Variants in IGF1R observed in about 807,000 individuals in gnomAD.
IGF1R encodes insulin-like growth factor 1 receptor.
Under a neutral mutation model 144.6 loss-of-function variants are expected in IGF1R, and 44 were observed. The ratio of observed to expected loss-of-function variants is 0.30; its 90% CI spans 0.24 to 0.39. IGF1R has a LOEUF of 0.39. Among genes scored for constraint, IGF1R ranks in the 10% least tolerant of loss-of-function variants. IGF1R has a pLI of 1.00. For synonymous variants in IGF1R, 795 were observed against 722.8 expected, an observed-to-expected ratio of 1.10 and a Z score of -1.60; for missense variants, 1,355 against 1,833.7, an observed-to-expected ratio of 0.74 and a Z score of 4.77.
intron 20 of IGF1R, among the ~76,000 whole-genome samples, chr15:98,956,029 G>A (rs1192484407): frequency 6.6e-6 from 1 of 152,236 alleles, no homozygotes; most frequent in East Asian, 1.9e-4. Context: ...AGCCCTGGAT[G>A]GTAGCCAGCT....
rs2016127216 is a variant in IGF1R, at chr15:98,935,903, T to C, written c.3297+477T>C. Among the ~76,000 whole-genome samples, 1 of 152,230 alleles carries C rather than the reference T, an allele frequency of 6.6e-6. No homozygotes were observed. Among genetic ancestry groups the C allele is most frequent in the African/African-American group, 2.4e-5 (1 of 41,456 alleles). ...CCACCCCGTTGTGTTTAGCTTTTCA[T>C]CTCAGTCCAAGTGTGTGGCTCAGGG... is the stretch of plus-strand genomic sequence containing the variant. On this transcript the variant is annotated intron_variant, in intron 17 of 20. Coordinates refer to ENST00000650285, the MANE Select transcript of IGF1R (RefSeq NM_000875.5). This position sits in a 1 kb window ranked among gnomAD's most constrained non-coding sequence, Gnocchi z 4.2.
chr15:98,724,456 C>G (rs140707261), intron 2 of IGF1R, among the ~76,000 whole-genome samples: 1 of 152,190 alleles, frequency 6.6e-6, no homozygotes, highest in African/African-American at 2.4e-5. Flanking sequence ...TCTCCAGCAG[C>G]CCCAGTGAGA....
At position 98,649,503 on chromosome 15, in the gene IGF1R, T is replaced by A; in HGVS notation, c.-79T>A. ...TGAGTTTGAGACTTGTTTCCTTTCA[T>A]TTCCTTTTTTTCTTTTCTTTTCTTT... On this transcript the variant is annotated 5_prime_UTR_variant, in exon 1 of 21. Coordinates refer to ENST00000650285, the MANE Select transcript of IGF1R (RefSeq NM_000875.5). 1 of 1,007,850 alleles carries A rather than the reference T, an allele frequency of 9.9e-7. No homozygotes were observed. Among genetic ancestry groups the A allele is most frequent in the South Asian group, 1.4e-5 (1 of 70,882 alleles). 62.4% of individuals were successfully genotyped at this position (1,007,850 alleles called of 1,614,324 possible). A position where few individuals can be genotyped will look rare whatever the true frequency, so the allele number is the denominator to read the frequency against.
At chr15:98,848,855 C>T (rs760782768) in intron 2 of IGF1R, among the ~76,000 whole-genome samples, 4 of 152,122 alleles carry the variant, frequency 2.6e-5, no homozygotes, top group Non-Finnish European at 4.4e-5. Context: ...ACTGAAGATT[C>T]TACATCCAAT....
intron 19 of IGF1R, among the ~76,000 whole-genome samples, chr15:98,947,540 A>G (rs951981861): frequency 6.6e-6 from 1 of 152,226 alleles, no homozygotes; most frequent in Non-Finnish European, 1.5e-5. Flanking sequence ...CCACATGGAA[A>G]GGCACACAGG....
At chr15:98,929,708 A>C in intron 14 of IGF1R, 48 bp downstream of exon 14, 1 of 1,210,930 alleles carries the variant, frequency 8.3e-7, no homozygotes, top group Non-Finnish European at 1.2e-6. Context: ...GAGTGGTTTG[A>C]TGATTTGAAT....
At position 98,691,981 on chromosome 15, in the gene IGF1R, C is replaced by G. The variant is rs540486451; in HGVS notation, c.95-15581C>G. ...GTGCCTGTTGCCCCATGTCCTCACT[C>G]AAGCTTGGTGTTATTAGATTGGTAA... On this transcript the variant is annotated intron_variant, in intron 1 of 20. Transcript: ENST00000650285. Among the ~76,000 whole-genome samples, 16 of 152,258 alleles carry G rather than the reference C, an allele frequency of 1.1e-4. No individual in the cohort carries two copies. The South Asian group carries it at 3.1e-3, about 30-fold the overall frequency.
At chr15:98,942,374 C>T (rs2016396573) in intron 18 of IGF1R, among the ~76,000 whole-genome samples, 2 of 152,156 alleles carry the variant, frequency 1.3e-5, no homozygotes, top group South Asian at 4.1e-4. Context: ...CACTCTGTCA[C>T]CCAAGCTGGA....
intron 2 of IGF1R, among the ~76,000 whole-genome samples, chr15:98,845,371 C>T (rs887697949): frequency 1.3e-5 from 2 of 149,992 alleles, no homozygotes; most frequent in Non-Finnish European, 3.0e-5. Flanking sequence ...ATATTCTTCT[C>T]TCTCCTCCTC....
intron 2 of IGF1R, among the ~76,000 whole-genome samples, chr15:98,795,257 A>G (rs1227083728): frequency 2.0e-5 from 3 of 152,234 alleles, no homozygotes; most frequent in Admixed American, 2.0e-4. Context: ...AGAAAATTGT[A>G]TACTACATTA....
intron 1 of IGF1R, among the ~76,000 whole-genome samples, chr15:98,673,623 T>C (rs974417143): frequency 6.6e-6 from 1 of 152,230 alleles, no homozygotes; most frequent in Non-Finnish European, 1.5e-5. Flanking sequence ...GATCCCCCCA[T>C]GCTGGGTACA....
In IGF1R at chr15:98,649,585, A is replaced by C. The variant is rs2052295066; in HGVS notation, c.4A>C (p.Lys2Gln). 1 of 1,520,434 alleles carries C rather than the reference A, an allele frequency of 6.6e-7. No individual in the cohort carries two copies. The highest frequency in any genetic ancestry group is 1.4e-5 in the African/African-American group (1 of 69,182). The allele number at this position is 1,520,434 out of a possible 1,614,324, so 94.2% of individuals were successfully genotyped here. The change falls in exon 1 of 21, where the codon AAG (lysine) becomes CAG (glutamine). Residue 2 changes from lysine to glutamine, a missense_variant. This residue lies in a region of IGF1R where 49 missense variants were observed against 34.7 expected (regional missense o/e 1.41). Coordinates refer to ENST00000650285, the MANE Select transcript of IGF1R (RefSeq NM_000875.5). ...AATTTCATCCCAAATAAAAGGAATGAAGTCTGGCTCCGGAGGAGGGTCCCC... is the reference window on the plus strand; with the variant it reads ...AATTTCATCCCAAATAAAAGGAATGCAGTCTGGCTCCGGAGGAGGGTCCCC... MKSGSGGGSPTS... is the reference protein window; with the variant it reads MQSGSGGGSPTS...
chr15:98,682,291 C>T (rs2053210465), intron 1 of IGF1R, among the ~76,000 whole-genome samples: 1 of 152,066 alleles, frequency 6.6e-6, no homozygotes, highest in African/African-American at 2.4e-5. Context: ...AGATGACTGT[C>T]CCTCTCATGT....
intron 2 of IGF1R, among the ~76,000 whole-genome samples, chr15:98,736,155 A>G (rs1163165835): frequency 6.6e-6 from 1 of 152,202 alleles, no homozygotes; most frequent in Non-Finnish European, 1.5e-5. Flanking sequence ...GGGAGATGAT[A>G]TTTTGATTAC....
intron 20 of IGF1R, among the ~76,000 whole-genome samples, chr15:98,952,209 TGTGAGA>T (rs1315940630): frequency 1.3e-5 from 2 of 151,926 alleles, no homozygotes; most frequent in Non-Finnish European, 2.9e-5. Flanking sequence ...GGTTACACCA[TGTGAGA>T]GTCAATCACG....
At chr15:98,869,434 C>CTTTT (rs60569365) in intron 2 of IGF1R, among the ~76,000 whole-genome samples, 19 of 134,932 alleles carry the variant, frequency 1.4e-4, no homozygotes, top group African/African-American at 4.2e-4. Flanking sequence ...CCTTGAGATT[C>CTTTT]TTTTTTTTTT....
At chr15:98,684,752 C>T (rs1032482089) in intron 1 of IGF1R, among the ~76,000 whole-genome samples, 1 of 151,966 alleles carries the variant, frequency 6.6e-6, no homozygotes, top group Non-Finnish European at 1.5e-5. Context: ...TGAGAGAGCG[C>T]ATGTGGGATT....
chr15:98,948,457 T>TG, intron 19 of IGF1R, 117 bp from the exon 20 acceptor site: 1 of 1,103,848 alleles, frequency 9.1e-7, no homozygotes, highest in Non-Finnish European at 1.4e-6. Flanking sequence ...TGACAAGCAC[T>TG]GTCACCATAG....
intron 2 of IGF1R, among the ~76,000 whole-genome samples, chr15:98,847,098 T>G: frequency 6.6e-6 from 1 of 152,150 alleles, no homozygotes; most frequent in Non-Finnish European, 1.5e-5. Context: ...TCCCTCAGTT[T>G]CCCAAGTAGC....
Sources: gnomAD v4.1 joint callset for allele counts (sites outside exome capture counted in the v4.1 genomes callset) on GRCh38, gnomAD v4.1.1 for gene constraint, gnomAD v4.1.1 regional missense constraint, Gnocchi (gnomAD v3.1) non-coding constraint, MANE v1.5 for transcripts, NCBI Gene and HGNC (gene_info 2026-07-23, HGNC 2026-07-21) for gene names.